NMS: variants seen among roughly 807,000 people sequenced by gnomAD.
NMS encodes neuromedin-S.
A neutral mutation model predicts 32.2 loss-of-function variants in NMS; 30 were observed. The ratio of observed to expected loss-of-function variants is 0.93; its 90% CI spans 0.70 to 1.26. The LOEUF (loss-of-function observed/expected upper bound fraction) is 1.26, where lower values mean the gene tolerates loss of function less well. NMS is among the 50% of genes most tolerant of loss of function. The pLI, the probability that NMS is intolerant of heterozygous loss-of-function variation, is 0.00. For synonymous variants in NMS, 76 were observed against 58.5 expected, an observed-to-expected ratio of 1.30 and a Z score of -1.37; for missense variants, 190 against 186.3, an observed-to-expected ratio of 1.02 and a Z score of -0.12.
rs771549156 is a variant in NMS at position 100,481,118 on chromosome 2, T to C, written c.373-8T>C. On this transcript the variant is annotated splice_polypyrimidine_tract_variant and splice_region_variant and intron_variant, in intron 7 of 9. Transcript: ENST00000376865. Reference sequence around the variant, plus strand: ...TTGCATAATGGCTTGTGTTTCTATATGTTGCAGGATCACACTGCGACCTGG... The same window carrying C: ...TTGCATAATGGCTTGTGTTTCTATACGTTGCAGGATCACACTGCGACCTGG... The C allele has an allele frequency of 5.6e-6, 9 of 1,614,074 alleles. No homozygotes were observed. The highest frequency in any genetic ancestry group is 5.5e-5 in the South Asian group (5 of 91,086).
chr2:100,471,301 G>C (rs1386508860), intron 1 of NMS, among the ~76,000 whole-genome samples: 4 of 152,204 alleles, frequency 2.6e-5, no homozygotes, highest in Admixed American at 2.0e-4. Flanking sequence ...ACTTAGGGGA[G>C]TAGAAAATCT....
rs201889764 is a variant in NMS, at chr2:100,473,479, T to A, written c.133-10T>A. The stretch of plus-strand genomic sequence containing the variant: ...TCCCTTTGATTTGTTTTCTTCATTT[T>A]ATTTTTTAGCAGCTGGCATATTGTC... On this transcript the variant is annotated splice_polypyrimidine_tract_variant and intron_variant, in intron 2 of 9. Coordinates refer to ENST00000376865, the MANE Select transcript of NMS (RefSeq NM_001011717.1). The A allele has an allele frequency of 3.2e-4, 476 of 1,483,320 alleles. 5 individuals are homozygous for A. The African/African-American group carries it at 6.0e-3, about 19-fold the overall frequency. 91.9% of individuals were successfully genotyped at this position (1,483,320 alleles called of 1,614,324 possible).
At chr2:100,481,013 G>C in intron 7 of NMS, 113 bp from the exon 8 acceptor site, 1 of 999,838 alleles carries the variant, frequency 1.0e-6, no homozygotes, top group Non-Finnish European at 1.6e-6. Flanking sequence ...CCCAGAGGTT[G>C]TTGGTGCCAC....
rs191517367 is a variant in NMS at position 100,478,250 on chromosome 2, C to A, written c.261+836C>A. On this transcript the variant is annotated intron_variant, in intron 5 of 9. Transcript: ENST00000376865. ...GTGCTGGGATTACAGGCGTGAGCCACCATGCCCAGCCAGAATATAACTTTT... is the reference window on the plus strand; with the variant it reads ...GTGCTGGGATTACAGGCGTGAGCCAACATGCCCAGCCAGAATATAACTTTT... 5.8e-4 allele frequency among the ~76,000 whole-genome samples: 89 copies of A among 152,266 alleles called. No homozygotes were observed. In the South Asian group the frequency reaches 0.014, roughly 24 times the overall value.
chr2:100,479,714 T>C (rs1003349434), intron 6 of NMS, among the ~76,000 whole-genome samples: 2 of 152,210 alleles, frequency 1.3e-5, no homozygotes, highest in African/African-American at 4.8e-5. Flanking sequence ...AGTTGTGTCT[T>C]GGTTTTGTAC....
At chr2:100,478,022 C>T (rs936017112) in intron 5 of NMS, among the ~76,000 whole-genome samples, 2 of 152,120 alleles carry the variant, frequency 1.3e-5, no homozygotes, top group South Asian at 2.1e-4. Flanking sequence ...AGTGCAGGGG[C>T]GCCATCTCAG....
chr2:100,475,708 GA>G (rs1477740222), intron 3 of NMS, among the ~76,000 whole-genome samples: 3 of 152,048 alleles, frequency 2.0e-5, no homozygotes, highest in Non-Finnish European at 1.5e-5. Context: ...TCTCTAAAAA[GA>G]AAAAAGTAGG....
chr2:100,474,642 A>G (rs1453210387), intron 3 of NMS, among the ~76,000 whole-genome samples: 10 of 152,210 alleles, frequency 6.6e-5, no homozygotes, highest in African/African-American at 9.7e-5. Flanking sequence ...TAAATGCTTC[A>G]TATTTGTGAA....
At chr2:100,471,792 C>G (rs549036399) in intron 1 of NMS, among the ~76,000 whole-genome samples, 2 of 152,306 alleles carry the variant, frequency 1.3e-5, no homozygotes, top group African/African-American at 2.4e-5. Flanking sequence ...ATGTAACTTT[C>G]TAACCGTCAG....
At chr2:100,472,453 T>A (rs1283114412) in intron 1 of NMS, among the ~76,000 whole-genome samples, 1 of 152,246 alleles carries the variant, frequency 6.6e-6, no homozygotes, top group Non-Finnish European at 1.5e-5. Context: ...TCCTCATGAA[T>A]TCTATCAAAA....
intron 1 of NMS, among the ~76,000 whole-genome samples, chr2:100,472,227 GCTATCCCAC>G (rs1373634341): frequency 2.8e-4 from 43 of 151,634 alleles, no homozygotes; most frequent in African/African-American, 1.0e-3. Flanking sequence ...CTGCACTATA[GCTATCCCAC>G]CAAGTGTTGT....
chr2:100,479,022 G>A (rs1463483472), intron 5 of NMS, among the ~76,000 whole-genome samples: 4 of 152,146 alleles, frequency 2.6e-5, no homozygotes, highest in Non-Finnish European at 4.4e-5. Context: ...CACCCCTGGA[G>A]AGGGAGAAAG....
intron 3 of NMS, among the ~76,000 whole-genome samples, chr2:100,476,506 C>G (rs998655557): frequency 9.2e-5 from 14 of 152,166 alleles, no homozygotes; most frequent in African/African-American, 2.9e-4. Flanking sequence ...GTATTATTAA[C>G]AACTTTAATT....
At position 100,482,296 on chromosome 2, in the gene NMS, T is replaced by G; in HGVS notation, c.434T>G (p.Ile145Ser). Reference sequence around the variant, plus strand: ...TTTCAGCCCAGGAATGGAAGAAACATTGAAGATGAGGCCCAGTAGGTAGTC... The same window carrying G: ...TTTCAGCCCAGGAATGGAAGAAACAGTGAAGATGAGGCCCAGTAGGTAGTC... ...FLFRPRNGRN[I>S]EDEAQIQW Residue 145 changes from isoleucine (I) to serine (S), a missense_variant, in exon 9 of 10, where the codon ATT becomes AGT. Coordinates refer to ENST00000376865, the MANE Select transcript of NMS (RefSeq NM_001011717.1). The G allele has an allele frequency of 6.2e-7, 1 of 1,613,942 alleles. No homozygotes were observed. Among genetic ancestry groups the G allele is most frequent in the Non-Finnish European group, 8.5e-7 (1 of 1,179,924 alleles).
At chr2:100,475,430 G>A (rs1677090259) in intron 3 of NMS, among the ~76,000 whole-genome samples, 2 of 152,238 alleles carry the variant, frequency 1.3e-5, no homozygotes, top group South Asian at 4.1e-4. Context: ...TGCAAATGAT[G>A]ACATCCACAA....
At chr2:100,481,261 T>C in intron 8 of NMS, 94 bp downstream of exon 8, 1 of 1,143,388 alleles carries the variant, frequency 8.7e-7, no homozygotes, top group East Asian at 2.3e-5. Flanking sequence ...CCAGGACCCC[T>C]TGGTAAACTG....
chr2:100,478,325 CTTAT>C (rs1179400511), intron 5 of NMS, among the ~76,000 whole-genome samples: 1 of 152,150 alleles, frequency 6.6e-6, no homozygotes, highest in Non-Finnish European at 1.5e-5. Flanking sequence ...TAGAAAGTCT[CTTAT>C]TTATATGTTC....
At chr2:100,479,540 C>A (rs1354106518) in intron 6 of NMS, 113 bp downstream of exon 6, 6 of 934,480 alleles carry the variant, frequency 6.4e-6, no homozygotes, top group African/African-American at 5.0e-5. Flanking sequence ...AAATCTTAGT[C>A]TCCACCTTGG....
chr2:100,477,964 A>AAT (rs912438705), intron 5 of NMS, among the ~76,000 whole-genome samples: 11 of 151,514 alleles, frequency 7.3e-5, no homozygotes, highest in South Asian at 4.1e-4. Context: ...GAGGCCATAG[A>AAT]ATATATATAT....
Sources: allele counts gnomAD v4.1 joint callset (sites outside exome capture counted in the v4.1 genomes callset), GRCh38; gene constraint gnomAD v4.1.1; transcripts MANE v1.5; gene names NCBI Gene and HGNC (gene_info 2026-07-23, HGNC 2026-07-21).